Variants in DEPDC5 observed in about 807,000 individuals in gnomAD.
DEPDC5 encodes DEP domain containing 5, GATOR1 subcomplex subunit.
A neutral mutation model predicts 217.3 loss-of-function variants in DEPDC5; 73 were observed. That is an observed-to-expected ratio of 0.34 (90% CI 0.28 to 0.41). DEPDC5 has a LOEUF of 0.41. Ranked by LOEUF, DEPDC5 falls within the 10% of genes least tolerant of loss-of-function variation. The pLI, the probability that DEPDC5 is intolerant of heterozygous loss-of-function variation, is 1.00. For synonymous variants in DEPDC5, 733 were observed against 756.7 expected, an observed-to-expected ratio of 0.97 and a Z score of 0.51; for missense variants, 1,675 against 2,070.1, an observed-to-expected ratio of 0.81 and a Z score of 3.70.
intron 20 of DEPDC5, chr22:31,814,594 A>G: frequency 5.1e-6 from 1 of 195,712 alleles, no homozygotes; most frequent in Admixed American, 5.4e-5. Flanking sequence ...TTATCTCTGG[A>G]AGCTTGATTA....
chr22:31,775,995 C>A (rs1445933441), intron 7 of DEPDC5, among the ~76,000 whole-genome samples: 1 of 144,228 alleles, frequency 6.9e-6, no homozygotes, highest in Non-Finnish European at 1.5e-5. Context: ...GAGCTGAGAT[C>A]GCACCACTGC....
chr22:31,842,832 G>T lies in DEPDC5; in HGVS notation c.2516-263G>T, dbSNP rs2091478131. ...TCTCCAGAGGATGAGGTATCAGGTT[G>T]TTCAGCTTTGAGTGTGCCATCTAGG... On this transcript the variant is annotated intron_variant, in intron 27 of 42. Transcript: ENST00000651528. Among the ~76,000 whole-genome samples, 5 of 152,150 alleles carry T rather than the reference G, an allele frequency of 3.3e-5. No homozygotes were observed. The South Asian group carries it at 1.0e-3, about 31-fold the overall frequency.
chr22:31,791,627 C>CA (rs142053932), intron 10 of DEPDC5, among the ~76,000 whole-genome samples: 4,806 of 61,970 alleles, frequency 0.078, 206 homozygotes, highest in African/African-American at 0.14. Context: ...GAGACTGCCT[C>CA]AAAAAAAAAA....
At chr22:31,879,362 C>G (rs896847185) in intron 37 of DEPDC5, among the ~76,000 whole-genome samples, 163 bp from the exon 38 acceptor site, 2 of 151,994 alleles carry the variant, frequency 1.3e-5, no homozygotes, top group African/African-American at 4.8e-5. Flanking sequence ...AAAGATTTGC[C>G]TATTTGCTAC....
intron 31 of DEPDC5, among the ~76,000 whole-genome samples, chr22:31,856,155 G>GCGCGCGCACACACA (rs1226909374): frequency 7.1e-6 from 1 of 140,570 alleles, no homozygotes; most frequent in Non-Finnish European, 1.5e-5. Context: ...GGGCCAACGC[G>GCGCGCGCACACACA]CACACACACA....
intron 17 of DEPDC5, 72 bp from the exon 18 acceptor site, chr22:31,806,050 G>C: frequency 7.4e-7 from 1 of 1,358,104 alleles, no homozygotes; most frequent in South Asian, 1.2e-5. Flanking sequence ...TCCATGCCTA[G>C]TATTTTAACT....
chr22:31,893,907 T>C, intron 39 of DEPDC5, 156 bp downstream of exon 39: 1 of 896,266 alleles, frequency 1.1e-6, no homozygotes, highest in Non-Finnish European at 1.5e-6. Context: ...AATTTAAACA[T>C]AGTAAAAATT....
intron 14 of DEPDC5, 44 bp downstream of exon 14, chr22:31,798,700 A>G (rs776705487): frequency 1.6e-5 from 26 of 1,582,514 alleles, no homozygotes; most frequent in Non-Finnish European, 2.2e-5. Context: ...TGCCTACCAC[A>G]TGGCTATGTT....
intron 34 of DEPDC5, among the ~76,000 whole-genome samples, chr22:31,870,984 C>A (rs2092825786): frequency 6.6e-6 from 1 of 152,228 alleles, no homozygotes; most frequent in Non-Finnish European, 1.5e-5. Flanking sequence ...TGTCAGGCAC[C>A]ACACAGGAGT....
At chr22:31,880,780 T>C (rs762350670) in intron 38 of DEPDC5, among the ~76,000 whole-genome samples, 1 of 151,960 alleles carries the variant, frequency 6.6e-6, no homozygotes, top group Non-Finnish European at 1.5e-5. Flanking sequence ...ATCCCAGCAC[T>C]TTGGGAGGCC....
chr22:31,814,529 T>A (rs1354080388), intron 20 of DEPDC5: 3 of 162,028 alleles, frequency 1.9e-5, no homozygotes, highest in African/African-American at 4.8e-5. Flanking sequence ...GGCTGATTGT[T>A]GCCTTGTAGT....
intron 24 of DEPDC5, among the ~76,000 whole-genome samples, chr22:31,830,028 A>G (rs2090468102): frequency 6.6e-6 from 1 of 152,222 alleles, no homozygotes; most frequent in Non-Finnish European, 1.5e-5. Context: ...TTGGCCTGAG[A>G]GCCAAAGTAA....
rs777697539 is a variant in DEPDC5 at position 31,843,738 on chromosome 22, C to T, written c.2727C>T (p.Ser909=). 1 of 1,614,066 alleles carries T rather than the reference C, an allele frequency of 6.2e-7. No individual in the cohort carries two copies. The highest frequency in any genetic ancestry group is 8.5e-7 in the Non-Finnish European group (1 of 1,179,984). The change falls in exon 29 of 43, where the codon TCC becomes TCT. Residue 909 remains serine, a synonymous_variant. Coordinates refer to ENST00000651528, the MANE Select transcript of DEPDC5 (RefSeq NM_001242896.3). ...SEFVSCWVEF[S]HERLEEYKWN... ...TCGTCTCCTGCTGGGTGGAATTCTC[C>T]CACGAACGGCTGGAGGAGTACAAGT...
chr22:31,756,634 C>T (rs1165749071), intron 2 of DEPDC5, among the ~76,000 whole-genome samples: 1 of 152,094 alleles, frequency 6.6e-6, no homozygotes, highest in Non-Finnish European at 1.5e-5. Flanking sequence ...CAAAATACAA[C>T]TAACAGCTGG....
At chr22:31,779,278 T>G (rs1318308121) in intron 8 of DEPDC5, among the ~76,000 whole-genome samples, 1 of 152,232 alleles carries the variant, frequency 6.6e-6, no homozygotes, top group African/African-American at 2.4e-5. Flanking sequence ...TTACATTGTT[T>G]GTAAATACAT....
intron 31 of DEPDC5, among the ~76,000 whole-genome samples, chr22:31,855,843 A>G (rs2092267247): frequency 6.6e-6 from 1 of 152,038 alleles, no homozygotes; most frequent in Admixed American, 6.6e-5. Flanking sequence ...TTTAAGGGAG[A>G]GTGCAACAGG....
intron 8 of DEPDC5, among the ~76,000 whole-genome samples, chr22:31,780,197 G>A (rs1243804060): frequency 6.6e-6 from 1 of 152,174 alleles, no homozygotes; most frequent in Non-Finnish European, 1.5e-5. Context: ...TGGTGGTGTG[G>A]ACTAAGGTGA....
chr22:31,792,097 C>T lies in DEPDC5; in HGVS notation c.689C>T (p.Ser230Phe), dbSNP rs2085728746. The T allele has an allele frequency of 1.9e-6, 3 of 1,608,050 alleles. No homozygotes were observed. Among genetic ancestry groups the T allele is most frequent in the Non-Finnish European group, 2.6e-6 (3 of 1,175,392 alleles). ...TCTAGAACTTTCTATGATGCAAAAT[C>T]TGTTGGTGAGTAACTATTTCTCTCC... ...LFSRTFYDAK[S>F]VDEFPEINRA... Residue 230 changes from serine to phenylalanine, a missense_variant, in exon 11 of 43, where the codon TCT becomes TTT. Physicochemically the swap from Ser to Phe is radical, Grantham distance 155. This residue lies in a region of DEPDC5 where 628 missense variants were observed against 762.1 expected (regional missense o/e 0.82). Transcript: ENST00000651528.
chr22:31,897,097 A>G (rs1479346331), intron 39 of DEPDC5, among the ~76,000 whole-genome samples: 10 of 152,098 alleles, frequency 6.6e-5, no homozygotes, highest in African/African-American at 1.2e-4. Context: ...AGCCTGGGCA[A>G]CAGAGAAAGA....
Sources: allele counts gnomAD v4.1 joint callset (sites outside exome capture counted in the v4.1 genomes callset), GRCh38; gene constraint gnomAD v4.1.1; regional missense constraint gnomAD v4.1.1; transcripts MANE v1.5; gene names NCBI Gene and HGNC (gene_info 2026-07-23, HGNC 2026-07-21).